The following MEP1A variants were observed in gnomAD, a reference collection of about 807,000 sequenced individuals.
The protein encoded by MEP1A is N-benzoyl-L-tyrosyl-P-amino-benzoic acid hydrolase subunit alpha.
In MEP1A, 68 loss-of-function variants were observed where a neutral mutation model predicts 84.5. That is an observed-to-expected ratio of 0.80 (90% CI 0.66 to 0.98). The LOEUF (loss-of-function observed/expected upper bound fraction) is 0.98, where lower values mean the gene tolerates loss of function less well. Ranked by LOEUF, MEP1A falls within the 50% of genes least tolerant of loss-of-function variation. The probability of loss-of-function intolerance (pLI) is 0.00; values close to 1 mark genes in which losing one functional copy is unlikely to be tolerated. For synonymous variants in MEP1A, 337 were observed against 336.8 expected, an observed-to-expected ratio of 1.00 and a Z score of -0.01; for missense variants, 887 against 919.9, an observed-to-expected ratio of 0.96 and a Z score of 0.46.
intron 13 of MEP1A, among the ~76,000 whole-genome samples, chr6:46,835,765 C>G (rs1361616098): frequency 6.6e-6 from 1 of 152,160 alleles, no homozygotes; most frequent in African/African-American, 2.4e-5. Context: ...TCTTGACTTT[C>G]ACCCCTTTTC....
In MEP1A at chr6:46,836,165, G is replaced by A. The variant is rs111905023; in HGVS notation, c.2084+616G>A. On this transcript the variant is annotated intron_variant, in intron 13 of 13. Transcript: ENST00000230588. ...AGAAGTTGAAGCTTAGAAAGATTAAGTAATTTATCTAAAATGTACCCAGAT... is the reference window on the plus strand; with the variant it reads ...AGAAGTTGAAGCTTAGAAAGATTAAATAATTTATCTAAAATGTACCCAGAT... Among the ~76,000 whole-genome samples the A allele has an allele frequency of 2.6e-5, 4 of 152,270 alleles. No individual in the cohort carries two copies. The East Asian group carries it at 7.7e-4, about 29-fold the overall frequency.
chr6:46,797,836 T>C lies in MEP1A; in HGVS notation c.146-770T>C, dbSNP rs12181880. ...TTTCTTTCTTTCTTTCTTTCTTTCTTTCTCTCTCTCTTTCTTTCTTTCTTA... is the reference window on the plus strand; with the variant it reads ...TTTCTTTCTTTCTTTCTTTCTTTCTCTCTCTCTCTCTTTCTTTCTTTCTTA... On this transcript the variant is annotated intron_variant, in intron 3 of 13. Transcript: ENST00000230588. Among the ~76,000 whole-genome samples, 90 of 138,696 alleles carry C rather than the reference T, an allele frequency of 6.5e-4. 1 individual carries two copies. The highest frequency in any genetic ancestry group is 1.0e-3 in the Non-Finnish European group (64 of 63,824). The allele number at this position is 138,696 out of a possible 152,430, so 91.0% of individuals were successfully genotyped here.
At chr6:46,805,252 C>A (rs982403890) in intron 5 of MEP1A, among the ~76,000 whole-genome samples, 4 of 151,852 alleles carry the variant, frequency 2.6e-5, no homozygotes, top group Non-Finnish European at 4.4e-5. Flanking sequence ...GTGCTGGTAC[C>A]ATTTTATACA....
intron 3 of MEP1A, among the ~76,000 whole-genome samples, chr6:46,798,104 A>G (rs1280769070): frequency 6.6e-6 from 1 of 151,766 alleles, no homozygotes; most frequent in African/African-American, 2.4e-5. Flanking sequence ...AGTACCTGGG[A>G]CTACAGGTGC....
At position 46,833,372 on chromosome 6, in the gene MEP1A, C is replaced by T; in HGVS notation, c.1443C>T (p.Tyr481=). ...CAAATAGCAGAGAAAGCTCTGGTTA[C>T]TTGAGACTTGCTTTTCATGTGTGCA... ...LYPNSRESSG[Y]LRLAFHVCSG... The change falls in exon 11 of 14, where the codon TAC becomes TAT. Residue 481 remains tyrosine, a synonymous_variant. Coordinates refer to ENST00000230588, the MANE Select transcript of MEP1A (RefSeq NM_005588.3). 1 of 1,614,198 alleles carries T rather than the reference C, an allele frequency of 6.2e-7. No homozygotes were observed. The highest frequency in any genetic ancestry group is 8.5e-7 in the Non-Finnish European group (1 of 1,180,034).
At chr6:46,823,576 CA>C (rs1339847292) in intron 7 of MEP1A, among the ~76,000 whole-genome samples, 1 of 152,216 alleles carries the variant, frequency 6.6e-6, no homozygotes, top group African/African-American at 2.4e-5. Context: ...CTTGCCATTG[CA>C]CACCAGCCTG....
chr6:46,845,855 A>T, the MEP1A span, among the ~76,000 whole-genome samples: 2 of 152,192 alleles, frequency 1.3e-5, no homozygotes, highest in Admixed American at 6.5e-5. Context: ...ACTAGTTTGA[A>T]TGTGGTTCTG....
At chr6:46,802,969 A>G (rs1767226965) in intron 5 of MEP1A, among the ~76,000 whole-genome samples, 1 of 151,624 alleles carries the variant, frequency 6.6e-6, no homozygotes, top group African/African-American at 2.4e-5. Flanking sequence ...ATAAGTTTCT[A>G]ATTTACCTTT....
Position 46,839,335 on chromosome 6 carries a change from A to C in MEP1A, c.*199A>C, listed in dbSNP as rs1283146713. ...TTTGCTATGTGCTCCTAATGTATCT[A>C]GTGTGTCCTGTGACAACACTCATCA... On this transcript the variant is annotated 3_prime_UTR_variant, in exon 14 of 14. Coordinates refer to ENST00000230588, the MANE Select transcript of MEP1A (RefSeq NM_005588.3). 2.1e-6 allele frequency: 1 copy of C among 468,754 alleles called. No homozygotes were observed. Among genetic ancestry groups the C allele is most frequent in the Non-Finnish European group, 3.8e-6 (1 of 262,844 alleles). The allele number at this position is 468,754 out of a possible 1,614,324, so 29.0% of individuals were successfully genotyped here. A position where few individuals can be genotyped will look rare whatever the true frequency, so the allele number is the denominator to read the frequency against.
chr6:46,819,900 G>A lies in MEP1A; in HGVS notation c.556+196G>A, dbSNP rs1209247063. ...ATTCATCGCAGATAAGGGCCTCAAG[G>A]AATGGTGTTAACTCACTGTGGGGGT... On this transcript the variant is annotated intron_variant, in intron 7 of 13. Coordinates refer to ENST00000230588, the MANE Select transcript of MEP1A (RefSeq NM_005588.3). 2.6e-5 allele frequency among the ~76,000 whole-genome samples: 4 copies of A among 152,196 alleles called. No homozygotes were observed. In the South Asian group the frequency reaches 8.3e-4, roughly 32 times the overall value.
At chr6:46,843,670 C>T (rs956482840), downstream of MEP1A, among the ~76,000 whole-genome samples, 14 of 152,172 alleles carry the variant, frequency 9.2e-5, no homozygotes, top group African/African-American at 1.9e-4. Context: ...TGGATTTAGT[C>T]CCCCTGCAGG....
At chr6:46,825,032 GAT>G (rs1767897646) in intron 7 of MEP1A, among the ~76,000 whole-genome samples, 1 of 72,316 alleles carries the variant, frequency 1.4e-5, no homozygotes, top group Non-Finnish European at 3.3e-5. Context: ...TATTTAAATA[GAT>G]CTATTTAAAT....
At position 46,793,875 on chromosome 6, in the gene MEP1A, G is replaced by A. The variant is rs553305993; in HGVS notation, c.145+159G>A. Among the ~76,000 whole-genome samples the A allele has an allele frequency of 1.6e-4, 25 of 152,308 alleles. No individual in the cohort carries two copies. In the South Asian group the frequency reaches 4.6e-3, roughly 28 times the overall value. ...ATTGCATTTTCTGAAAGATAAAAAT[G>A]CGGAAAGAGAAGATAGTTAGACCAG... On this transcript the variant is annotated intron_variant, in intron 3 of 13. Transcript: ENST00000230588.
At chr6:46,793,793 C>A in intron 3 of MEP1A, 77 bp downstream of exon 3, 1 of 1,036,104 alleles carries the variant, frequency 9.7e-7, no homozygotes, top group Non-Finnish European at 1.5e-6. Flanking sequence ...CACTTTCCTT[C>A]CTAATACTGT....
intron 6 of MEP1A, among the ~76,000 whole-genome samples, chr6:46,809,799 G>GGTGT: frequency 6.7e-6 from 1 of 149,880 alleles, no homozygotes; most frequent in Non-Finnish European, 1.5e-5. Flanking sequence ...AGTAATACAT[G>GGTGT]GTGTGTGTGT....
At chr6:46,795,623 C>T (rs1005847783) in intron 3 of MEP1A, among the ~76,000 whole-genome samples, 6 of 152,116 alleles carry the variant, frequency 3.9e-5, no homozygotes, top group South Asian at 2.1e-4. Flanking sequence ...AATCATACTA[C>T]AGTTGAGACT....
intron 6 of MEP1A, among the ~76,000 whole-genome samples, chr6:46,816,608 AAGAGGG>A (rs1456691823): frequency 6.6e-6 from 1 of 151,774 alleles, no homozygotes; most frequent in Admixed American, 6.6e-5. Flanking sequence ...CAAAGGGAAG[AAGAGGG>A]AGAGGGAGAG....
rs1009770010 is a variant in MEP1A, at chr6:46,824,483, ATATTTAAATAAATC to A, written c.557-764_557-751del. On this transcript the variant is annotated intron_variant, in intron 7 of 13. Transcript: ENST00000230588. ...TTATATTGCTTATAAAATATAATTTATATTTAAATAAATCTATTTAAATAAATCTATTTAAATAT... is the reference window on the plus strand; with the variant it reads ...TTATATTGCTTATAAAATATAATTTATATTTAAATAAATCTATTTAAATAT... Among the ~76,000 whole-genome samples, 149 of 145,038 alleles carry A rather than the reference ATATTTAAATAAATC, an allele frequency of 1.0e-3. 4 individuals carry two copies. In the South Asian group the frequency reaches 0.024, roughly 24 times the overall value.
At chr6:46,811,202 C>G (rs1454041706) in intron 6 of MEP1A, among the ~76,000 whole-genome samples, 1 of 151,858 alleles carries the variant, frequency 6.6e-6, no homozygotes, top group East Asian at 1.9e-4. Context: ...TAGGTATATT[C>G]CTAAGTATTT....
Sources: allele counts gnomAD v4.1 joint callset (sites outside exome capture counted in the v4.1 genomes callset), GRCh38; gene constraint gnomAD v4.1.1; transcripts MANE v1.5; gene names NCBI Gene and HGNC (gene_info 2026-07-23, HGNC 2026-07-21).